The following FAM229B variants were observed in gnomAD, a reference collection of about 807,000 sequenced individuals.
FAM229B encodes the protein family with sequence similarity 229 member B.
A neutral mutation model predicts 6.7 loss-of-function variants in FAM229B; 2 were observed. The observed-to-expected ratio is 0.30, with a 90% CI of 0.12 to 0.94. The LOEUF is 0.94. Among genes scored for constraint, FAM229B ranks in the 40% least tolerant of loss-of-function variants. FAM229B has a pLI of 0.54. For missense variants in FAM229B, 93 were observed against 96.2 expected (o/e 0.97, Z 0.14); for synonymous variants, 29 against 34.0 (o/e 0.85, Z 0.51).
intron 1 of FAM229B, among the ~76,000 whole-genome samples, chr6:112,092,462 A>G (rs1263209327): frequency 1.3e-5 from 2 of 152,108 alleles, no homozygotes; most frequent in African/African-American, 4.8e-5. Context: ...ATACCCAGTT[A>G]AAATATTGTT....
chr6:112,099,662 A>G (rs1777370092), intron 3 of FAM229B, among the ~76,000 whole-genome samples: 1 of 152,196 alleles, frequency 6.6e-6, no homozygotes, highest in African/African-American at 2.4e-5. Context: ...ACAACAACAA[A>G]AACACAATTA....
chr6:112,089,543 C>G (rs1452120828), intron 1 of FAM229B, among the ~76,000 whole-genome samples: 1 of 151,956 alleles, frequency 6.6e-6, no homozygotes, highest in East Asian at 1.9e-4. Flanking sequence ...GGGATAGTAC[C>G]TTGCATATAG....
Position 112,100,921 on chromosome 6 carries a change from G to T in FAM229B, c.*134G>T. ...CAGTTGAGCTCTTTACTTTTAGTAA[G>T]ACCGACAGAAATGTAGTCAGTAAAG... is the stretch of plus-strand genomic sequence containing the variant. On this transcript the variant is annotated 3_prime_UTR_variant, in exon 4 of 4. Transcript: ENST00000368656. The T allele has an allele frequency of 1.5e-6, 1 of 685,976 alleles. No individual in the cohort carries two copies. The highest frequency in any genetic ancestry group is 2.6e-6 in the Non-Finnish European group (1 of 386,036). The allele number at this position is 685,976 out of a possible 1,614,324, so 42.5% of individuals were successfully genotyped here.
At chr6:112,099,034 C>T (rs1309664602) in intron 2 of FAM229B, among the ~76,000 whole-genome samples, 1 of 152,126 alleles carries the variant, frequency 6.6e-6, no homozygotes, top group Non-Finnish European at 1.5e-5. Flanking sequence ...TTGTGTGCAC[C>T]TGTAGTTCCA....
chr6:112,099,489 C>CTG, intron 3 of FAM229B, 81 bp downstream of exon 3: 1 of 1,342,054 alleles, frequency 7.5e-7, no homozygotes, highest in Non-Finnish European at 1.0e-6. Context: ...TCATTATTAG[C>CTG]AAGAAAAAAC....
intron 1 of FAM229B, among the ~76,000 whole-genome samples, chr6:112,095,662 C>CAAAAAAAAAAAAAAA: frequency 1.3e-5 from 1 of 77,896 alleles, no homozygotes; most frequent in Middle Eastern, 7.6e-3. Context: ...AAAAAAAAAC[C>CAAAAAAAAAAAAAAA]AAAAAAAAAA....
chr6:112,099,503 C>G, intron 3 of FAM229B, 95 bp downstream of exon 3: 6 of 1,223,106 alleles, frequency 4.9e-6, no homozygotes, highest in Non-Finnish European at 6.7e-6. Context: ...AAAAAACTCT[C>G]AGCAATTCAA....
At chr6:112,092,291 G>A (rs1328356431) in intron 1 of FAM229B, among the ~76,000 whole-genome samples, 1 of 151,914 alleles carries the variant, frequency 6.6e-6, no homozygotes, top group Non-Finnish European at 1.5e-5. Context: ...GTGATAAAAA[G>A]CAAATATTAA....
At chr6:112,090,848 AT>A (rs1375475743) in intron 1 of FAM229B, among the ~76,000 whole-genome samples, 1 of 152,134 alleles carries the variant, frequency 6.6e-6, no homozygotes, top group Non-Finnish European at 1.5e-5. Flanking sequence ...CATACTCAGA[AT>A]TTTTTTGTGA....
At chr6:112,095,635 C>CAAAAA (rs1186446249) in intron 1 of FAM229B, among the ~76,000 whole-genome samples, 2 of 48,790 alleles carry the variant, frequency 4.1e-5, no homozygotes, top group African/African-American at 7.7e-5. Flanking sequence ...GACCCTGTCT[C>CAAAAA]AAAAAAAAAA....
intron 3 of FAM229B, 121 bp from the exon 4 acceptor site, chr6:112,100,549 G>A (rs1352812623): frequency 1.2e-5 from 8 of 656,658 alleles, no homozygotes; most frequent in Non-Finnish European, 1.6e-5. Flanking sequence ...CTCATTGTAT[G>A]ACATTCAGAG....
intron 1 of FAM229B, among the ~76,000 whole-genome samples, chr6:112,092,313 T>G (rs11153338): frequency 0.3 from 45,250 of 151,720 alleles, 7,128 homozygotes; most frequent in African/African-American, 0.41. Context: ...GCCAGCCAGA[T>G]AAAAAAGACA....
chr6:112,098,547 A>G (rs1163852007), intron 2 of FAM229B, among the ~76,000 whole-genome samples: 1 of 152,210 alleles, frequency 6.6e-6, no homozygotes, highest in East Asian at 1.9e-4. Context: ...ATTATCACCA[A>G]TGTACCCTTG....
intron 2 of FAM229B, among the ~76,000 whole-genome samples, chr6:112,098,589 C>A (rs1269394147): frequency 6.6e-6 from 1 of 152,140 alleles, no homozygotes; most frequent in Non-Finnish European, 1.5e-5. Flanking sequence ...GACTGAAGAT[C>A]ACATAGTTGG....
chr6:112,090,607 T>G (rs1392074540), intron 1 of FAM229B, among the ~76,000 whole-genome samples: 1 of 152,192 alleles, frequency 6.6e-6, no homozygotes, highest in Non-Finnish European at 1.5e-5. Context: ...AACAACAATT[T>G]TTTTTTTGTA....
rs117944757 is a variant in FAM229B at position 112,100,981 on chromosome 6, A to G, written c.*194A>G. The G allele has an allele frequency of 7.6e-3, 3,928 of 513,690 alleles. 28 individuals carry two copies. The highest frequency in any genetic ancestry group is 0.01 in the Non-Finnish European group (2,959 of 289,058). 31.8% of individuals were successfully genotyped at this position (513,690 alleles called of 1,614,324 possible). ...TGATAGGCTATCAGTTATGTCTGATACATAAGACAGAATAATATTTCACAA... is the reference window on the plus strand; with the variant it reads ...TGATAGGCTATCAGTTATGTCTGATGCATAAGACAGAATAATATTTCACAA... On this transcript the variant is annotated 3_prime_UTR_variant, in exon 4 of 4. Transcript: ENST00000368656.
chr6:112,091,694 A>G (rs1176440517), intron 1 of FAM229B, among the ~76,000 whole-genome samples: 1 of 152,186 alleles, frequency 6.6e-6, no homozygotes, highest in Non-Finnish European at 1.5e-5. Context: ...CACCCAAGTC[A>G]AAAATTGCCA....
At chr6:112,098,704 A>C (rs1554318911) in intron 2 of FAM229B, among the ~76,000 whole-genome samples, 1 of 152,226 alleles carries the variant, frequency 6.6e-6, no homozygotes, top group African/African-American at 2.4e-5. Flanking sequence ...GGTGAATGTG[A>C]AACTGTGCTC....
intron 1 of FAM229B, among the ~76,000 whole-genome samples, chr6:112,093,708 G>C (rs923667323): frequency 1.3e-5 from 2 of 151,752 alleles, no homozygotes; most frequent in Non-Finnish European, 2.9e-5. Flanking sequence ...TAACAGAAAA[G>C]TAGAATATTC....
Sources: gnomAD v4.1 joint callset for allele counts (sites outside exome capture counted in the v4.1 genomes callset) on GRCh38, gnomAD v4.1.1 for gene constraint, MANE v1.5 for transcripts, NCBI Gene and HGNC (gene_info 2026-07-23, HGNC 2026-07-21) for gene names.